The following NCAPG variants were observed in gnomAD, a reference collection of about 807,000 sequenced individuals.
The protein encoded by NCAPG is condensin complex subunit 3.
Under a neutral mutation model 113.1 loss-of-function variants are expected in NCAPG, and 69 were observed. The ratio of observed to expected loss-of-function variants is 0.61; its 90% CI spans 0.50 to 0.75. The LOEUF (loss-of-function observed/expected upper bound fraction) is 0.75, where lower values mean the gene tolerates loss of function less well. Among genes scored for constraint, NCAPG ranks in the 30% least tolerant of loss-of-function variants. NCAPG has a pLI of 0.00. For missense variants in NCAPG, 1,058 were observed against 1,177.0 expected (o/e 0.90, Z 1.48); for synonymous variants, 370 against 415.8 (o/e 0.89, Z 1.34).
rs1384211123 is a variant in NCAPG at position 17,811,047 on chromosome 4, G to T, written c.-31G>T. The T allele has an allele frequency of 1.4e-6, 2 of 1,382,032 alleles. No homozygotes were observed. The highest frequency in any genetic ancestry group is 1.9e-6 in the Non-Finnish European group (2 of 1,035,160). 85.6% of individuals were successfully genotyped at this position (1,382,032 alleles called of 1,614,324 possible). On this transcript the variant is annotated 5_prime_UTR_variant, in exon 1 of 21. Coordinates refer to ENST00000251496, the MANE Select transcript of NCAPG (RefSeq NM_022346.5). The surrounding 1 kb of genome is among the most constrained non-coding windows in gnomAD (Gnocchi z 5.3). ...GCTGGCAGGCTGTAGCCGAGCGCGG[G>T]CAGGACTCGTCCCGGCAGGGTTCCA... is the stretch of plus-strand genomic sequence containing the variant.
Position 17,811,039 on chromosome 4 carries a change from G to C in NCAPG, c.-39G>C, listed in dbSNP as rs757742694. 1.5e-6 allele frequency: 2 copies of C among 1,340,764 alleles called. No individual in the cohort carries two copies. The highest frequency in any genetic ancestry group is 2.0e-6 in the Non-Finnish European group (2 of 1,002,286). 83.1% of individuals were successfully genotyped at this position (1,340,764 alleles called of 1,614,324 possible). A position where few individuals can be genotyped will look rare whatever the true frequency, so the allele number is the denominator to read the frequency against. On this transcript the variant is annotated 5_prime_UTR_variant, in exon 1 of 21. Coordinates refer to ENST00000251496, the MANE Select transcript of NCAPG (RefSeq NM_022346.5). This position sits in a 1 kb window ranked among gnomAD's most constrained non-coding sequence, Gnocchi z 5.3. ...GTTGGCGGGCTGGCAGGCTGTAGCC[G>C]AGCGCGGGCAGGACTCGTCCCGGCA... is the stretch of plus-strand genomic sequence containing the variant.
chr4:17,833,856 C>G (rs930149925), intron 13 of NCAPG, among the ~76,000 whole-genome samples: 1 of 152,074 alleles, frequency 6.6e-6, no homozygotes, highest in Non-Finnish European at 1.5e-5. Context: ...GAATACTGTT[C>G]TAATGAATGC....
intron 13 of NCAPG, among the ~76,000 whole-genome samples, chr4:17,832,702 T>C (rs1220632831): frequency 6.6e-6 from 1 of 152,124 alleles, no homozygotes; most frequent in Admixed American, 6.5e-5. Context: ...GCCTGAGGAA[T>C]GAGTATAGAC....
At chr4:17,837,431 A>G (rs538976389) in intron 15 of NCAPG, 91 bp downstream of exon 15, 1 of 1,315,098 alleles carries the variant, frequency 7.6e-7, no homozygotes, top group East Asian at 2.4e-5. Context: ...TTTGTTGTTG[A>G]TACTTTTTCT....
chr4:17,822,696 A>C (rs569128430), intron 7 of NCAPG, among the ~76,000 whole-genome samples: 1 of 152,152 alleles, frequency 6.6e-6, no homozygotes, highest in Non-Finnish European at 1.5e-5. Flanking sequence ...CATTGAAATA[A>C]TTAGTTATCA....
At chr4:17,831,874 GAA>G (rs2109059154) in intron 13 of NCAPG, among the ~76,000 whole-genome samples, 1 of 152,328 alleles carries the variant, frequency 6.6e-6, no homozygotes, top group East Asian at 1.9e-4. Context: ...GCTTTGAGTA[GAA>G]GATTGTTATG....
At chr4:17,812,520 C>A in intron 2 of NCAPG, 96 bp downstream of exon 2, 1 of 873,228 alleles carries the variant, frequency 1.1e-6, no homozygotes, top group Non-Finnish European at 1.8e-6. Flanking sequence ...AATGAAATAT[C>A]TAGTGATTGA....
chr4:17,828,248 C>A (rs769194581), intron 11 of NCAPG, 30 bp from the exon 12 acceptor site: 1 of 1,497,144 alleles, frequency 6.7e-7, no homozygotes, highest in Non-Finnish European at 9.2e-7. Context: ...GAAGATATTA[C>A]TAATGCTGAA....
Position 17,821,120 on chromosome 4 carries a change from T to TA in NCAPG, c.1119-1852dup, listed in dbSNP as rs540321812. ...AATTAAACAACTGTTTGAATTTACT[T>TA]AAAAAAAAAAACTCAGTCAAGATGC... is the stretch of plus-strand genomic sequence containing the variant. On this transcript the variant is annotated intron_variant, in intron 7 of 20. Coordinates refer to ENST00000251496, the MANE Select transcript of NCAPG (RefSeq NM_022346.5). Among the ~76,000 whole-genome samples the TA allele has an allele frequency of 6.8e-4, 100 of 147,086 alleles. 1 individual carries two copies. The highest frequency in any genetic ancestry group is 1.4e-3 in the Admixed American group (21 of 14,734).
chr4:17,830,995 A>G lies in NCAPG; in HGVS notation c.1765-2A>G. On this transcript the variant is annotated splice_acceptor_variant, in intron 12 of 20. Coordinates refer to ENST00000251496, the MANE Select transcript of NCAPG (RefSeq NM_022346.5). LOFTEE classifies it high-confidence loss of function. ...ATATGGAAAATTTCTGATTCATTTTAGATTCTTCCTGGAATAATAAGTATT... is the reference window on the plus strand; with the variant it reads ...ATATGGAAAATTTCTGATTCATTTTGGATTCTTCCTGGAATAATAAGTATT... 1 of 1,610,256 alleles carries G rather than the reference A, an allele frequency of 6.2e-7. No homozygotes were observed. The highest frequency in any genetic ancestry group is 1.1e-5 in the South Asian group (1 of 90,376).
rs759093852 is a variant in NCAPG, at chr4:17,812,903, TG to T, written c.316-13del. ...ATGTGACTATGAATAAATTTTGATT[TG>T]TTTCTGTTTTAGTCTCATGAAGCAA... On this transcript the variant is annotated splice_polypyrimidine_tract_variant and intron_variant, in intron 2 of 20. Coordinates refer to ENST00000251496, the MANE Select transcript of NCAPG (RefSeq NM_022346.5). The T allele has an allele frequency of 1.4e-5, 22 of 1,605,212 alleles. No homozygotes were observed. Among genetic ancestry groups the T allele is most frequent in the Non-Finnish European group, 1.7e-5 (20 of 1,172,674 alleles).
intron 9 of NCAPG, among the ~76,000 whole-genome samples, chr4:17,824,333 C>A (rs1721574085): frequency 6.6e-6 from 1 of 152,084 alleles, no homozygotes; most frequent in Admixed American, 6.6e-5. Context: ...AGATCTGTAT[C>A]ATTTATTTCA....
chr4:17,819,543 A>C (rs1291052252), intron 7 of NCAPG, among the ~76,000 whole-genome samples: 1 of 152,034 alleles, frequency 6.6e-6, no homozygotes, highest in Non-Finnish European at 1.5e-5. Flanking sequence ...CTGGGACTAC[A>C]GGCACGCGCC....
intron 20 of NCAPG, chr4:17,842,589 T>C (rs928132174): frequency 5.0e-5 from 26 of 517,722 alleles, no homozygotes; most frequent in African/African-American, 4.5e-4. Context: ...TTAGCTGGCA[T>C]GGTCTTTAGT....
At chr4:17,832,683 T>A (rs895172277) in intron 13 of NCAPG, among the ~76,000 whole-genome samples, 1 of 152,136 alleles carries the variant, frequency 6.6e-6, no homozygotes, top group Admixed American at 6.6e-5. Flanking sequence ...CGCTTAGAGA[T>A]AGGATGTTGC....
chr4:17,822,720 A>G (rs1180584833), intron 7 of NCAPG, among the ~76,000 whole-genome samples: 1 of 152,192 alleles, frequency 6.6e-6, no homozygotes, highest in Non-Finnish European at 1.5e-5. Flanking sequence ...AGACATAAAT[A>G]TGTACCTTTT....
intron 7 of NCAPG, among the ~76,000 whole-genome samples, chr4:17,820,463 G>A (rs1219787184): frequency 2.6e-5 from 4 of 152,062 alleles, no homozygotes; most frequent in East Asian, 3.9e-4. Flanking sequence ...TTAGCTGGGC[G>A]TGGTGGCAGG....
chr4:17,815,098 C>G, intron 4 of NCAPG, 100 bp downstream of exon 4: 4 of 1,484,246 alleles, frequency 2.7e-6, no homozygotes, highest in Non-Finnish European at 3.7e-6. Context: ...ATAATTTCTT[C>G]AGTTGAGGTT....
In NCAPG at chr4:17,842,340, C is replaced by A. The variant is rs200488618; in HGVS notation, c.2885C>A (p.Thr962Lys). ...GQRKVTVSARTNRRCQTAEAD... is the reference protein window; with the variant it reads ...GQRKVTVSARKNRRCQTAEAD... ...AGAAAAGTGACAGTTTCAGCTAGGACGAACAGGAGGTGTCAGACTGCTGAA... is the reference window on the plus strand; with the variant it reads ...AGAAAAGTGACAGTTTCAGCTAGGAAGAACAGGAGGTGTCAGACTGCTGAA... Residue 962 changes from threonine (T) to lysine (K), a missense_variant, in exon 20 of 21, where the codon ACG (threonine) becomes AAG (lysine). Thr to Lys is a moderately conservative substitution (Grantham distance 78). Coordinates refer to ENST00000251496, the MANE Select transcript of NCAPG (RefSeq NM_022346.5). The A allele has an allele frequency of 6.8e-6, 11 of 1,611,974 alleles. No individual in the cohort carries two copies. The African/African-American group carries it at 1.5e-4, about 22-fold the overall frequency.
Sources: allele counts gnomAD v4.1 joint callset (sites outside exome capture counted in the v4.1 genomes callset), GRCh38; gene constraint gnomAD v4.1.1; non-coding constraint Gnocchi (gnomAD v3.1); transcripts MANE v1.5; gene names NCBI Gene and HGNC (gene_info 2026-07-23, HGNC 2026-07-21).